The following SLC22A24 variants were observed in gnomAD, a reference collection of about 807,000 sequenced individuals.
The protein encoded by SLC22A24 is steroid transmembrane transporter SLC22A24.
SLC22A24 carries 53 observed loss-of-function variants against 49.8 expected under a neutral mutation model. That is an observed-to-expected ratio of 1.06 (90% CI 0.85 to 1.34). The LOEUF is 1.34. Ranked by LOEUF, SLC22A24 falls within the 40% of genes most tolerant of loss-of-function variation. SLC22A24 has a pLI of 0.00. For missense variants in SLC22A24, 786 were observed against 675.9 expected (o/e 1.16, Z -1.81); for synonymous variants, 302 against 256.4 (o/e 1.18, Z -1.70).
intron 1 of SLC22A24, 44 bp downstream of exon 1, chr11:63,143,334 A>G: frequency 7.1e-7 from 1 of 1,402,200 alleles, no homozygotes; most frequent in Non-Finnish European, 9.3e-7. Flanking sequence ...TTAACTCCAA[A>G]CACTTTAATC....
At chr11:63,126,900 C>A (rs527582249) in intron 2 of SLC22A24, among the ~76,000 whole-genome samples, 139 of 152,176 alleles carry the variant, frequency 9.1e-4, no homozygotes, top group African/African-American at 3.3e-3. Context: ...GTATTTTATT[C>A]TCTTAGTAGC....
intron 2 of SLC22A24, among the ~76,000 whole-genome samples, chr11:63,132,907 C>T (rs1191209467): frequency 6.6e-6 from 1 of 152,196 alleles, no homozygotes; most frequent in Admixed American, 6.5e-5. Flanking sequence ...GCCCTGCCCC[C>T]AGAGGTGGAA....
At chr11:63,104,105 C>G in intron 5 of SLC22A24, 70 bp downstream of exon 5, 1 of 1,505,548 alleles carries the variant, frequency 6.6e-7, no homozygotes, top group East Asian at 2.5e-5. Context: ...ACTCCAGGAA[C>G]CTAGACTAGT....
chr11:63,127,701 G>A (rs2087301730), intron 2 of SLC22A24, among the ~76,000 whole-genome samples: 2 of 152,086 alleles, frequency 1.3e-5, no homozygotes, highest in African/African-American at 2.4e-5. Context: ...TCTCATTGTG[G>A]TTTTGATTTG....
intron 5 of SLC22A24, among the ~76,000 whole-genome samples, chr11:63,099,453 C>A (rs996787564): frequency 3.3e-5 from 4 of 122,610 alleles, no homozygotes; most frequent in Non-Finnish European, 4.8e-5. Flanking sequence ...TGGACTCAAG[C>A]AATTCTTCTG....
intron 2 of SLC22A24, among the ~76,000 whole-genome samples, chr11:63,132,789 T>C (rs1565044303): frequency 6.6e-6 from 1 of 152,140 alleles, no homozygotes; most frequent in African/African-American, 2.4e-5. Context: ...CAGCCTGTCT[T>C]TTCTCAGAGC....
intron 4 of SLC22A24, among the ~76,000 whole-genome samples, chr11:63,117,184 T>C (rs1287406732): frequency 6.6e-6 from 1 of 152,226 alleles, no homozygotes; most frequent in Non-Finnish European, 1.5e-5. Context: ...AAACATATAA[T>C]GTAACAATTC....
chr11:63,108,671 G>T (rs1179163651), intron 4 of SLC22A24, among the ~76,000 whole-genome samples: 1 of 152,112 alleles, frequency 6.6e-6, no homozygotes, highest in Non-Finnish European at 1.5e-5. Context: ...GAGGGTGTAT[G>T]TGTCCAGGAA....
At chr11:63,125,062 C>T (rs955443706) in intron 2 of SLC22A24, among the ~76,000 whole-genome samples, 1 of 151,672 alleles carries the variant, frequency 6.6e-6, no homozygotes, top group Non-Finnish European at 1.5e-5. Flanking sequence ...ATGTAACTAA[C>T]CTGCACATTG....
chr11:63,105,373 C>T (rs995018105), intron 4 of SLC22A24, among the ~76,000 whole-genome samples: 5 of 132,906 alleles, frequency 3.8e-5, no homozygotes, highest in African/African-American at 1.1e-4. Flanking sequence ...AATTTCCCTT[C>T]TGCAGTGCCC....
intron 2 of SLC22A24, among the ~76,000 whole-genome samples, chr11:63,124,669 A>G (rs2087275694): frequency 6.6e-6 from 1 of 152,178 alleles, no homozygotes; most frequent in African/African-American, 2.4e-5. Context: ...TCTTACTAAC[A>G]GTCTTTTCAA....
At chr11:63,121,777 A>G (rs2087254101) in intron 2 of SLC22A24, among the ~76,000 whole-genome samples, 2 of 151,998 alleles carry the variant, frequency 1.3e-5, no homozygotes, top group Non-Finnish European at 2.9e-5. Context: ...TCCTAATGCT[A>G]TCCCTCCCGA....
At position 63,081,013 on chromosome 11, in the gene SLC22A24, C is replaced by A. The variant is rs1218126432; in HGVS notation, c.1505G>T (p.Gly502Val). ...YSPHLPWISY[G>V]VFPILAVPVI... The stretch of plus-strand genomic sequence containing the variant: ...AGGGACAGCAAGGATGGGGAAGACT[C>A]CATAGGAAATCCAGGGTAGGTGGGG... Residue 502 changes from glycine to valine, a missense_variant, in exon 9 of 10, where the codon GGA becomes GTA. By Grantham distance (109) the Gly-to-Val change is moderately radical. Transcript: ENST00000612278. 2 of 1,551,744 alleles carry A rather than the reference C, an allele frequency of 1.3e-6. No individual in the cohort carries two copies. Among genetic ancestry groups the A allele is most frequent in the Non-Finnish European group, 1.7e-6 (2 of 1,147,084 alleles).
intron 1 of SLC22A24, among the ~76,000 whole-genome samples, chr11:63,140,854 GT>G (rs1229349170): frequency 6.6e-6 from 1 of 152,154 alleles, no homozygotes; most frequent in Non-Finnish European, 1.5e-5. Context: ...TTTAGAGGGG[GT>G]TTTAAAGACT....
intron 2 of SLC22A24, 105 bp downstream of exon 2, chr11:63,134,560 A>C: frequency 1.5e-6 from 1 of 682,196 alleles, no homozygotes; most frequent in South Asian, 1.9e-5. Context: ...ATCAGCACAT[A>C]GCACAATGCA....
At chr11:63,111,243 C>T (rs368734395) in intron 4 of SLC22A24, among the ~76,000 whole-genome samples, 5 of 151,576 alleles carry the variant, frequency 3.3e-5, no homozygotes, top group South Asian at 2.1e-4. Flanking sequence ...CTGCTGGATT[C>T]GGTTTGCCAG....
chr11:63,132,540 C>T (rs2087344234), intron 2 of SLC22A24, among the ~76,000 whole-genome samples: 1 of 152,188 alleles, frequency 6.6e-6, no homozygotes, highest in Non-Finnish European at 1.5e-5. Flanking sequence ...CAGTCAGGTC[C>T]TTCAGCTGCA....
intron 5 of SLC22A24, among the ~76,000 whole-genome samples, chr11:63,097,301 A>G (rs189477245): frequency 6.6e-6 from 1 of 152,232 alleles, no homozygotes; most frequent in Admixed American, 6.5e-5. Context: ...GAAGATATTT[A>G]TGCAGCCAAC....
chr11:63,131,978 CT>C (rs2087339374), intron 2 of SLC22A24, among the ~76,000 whole-genome samples: 1 of 152,290 alleles, frequency 6.6e-6, no homozygotes, highest in African/African-American at 2.4e-5. Context: ...TTGTTCATTT[CT>C]TTTCACTCTT....
Sources: gnomAD v4.1 joint callset for allele counts (sites outside exome capture counted in the v4.1 genomes callset) on GRCh38, gnomAD v4.1.1 for gene constraint, MANE v1.5 for transcripts, NCBI Gene and HGNC (gene_info 2026-07-23, HGNC 2026-07-21) for gene names.